Variants in IL18RAP observed in about 807,000 individuals in gnomAD.
IL18RAP encodes the protein interleukin 18 receptor accessory protein, also known as interleukin-18 receptor accessory protein.
In IL18RAP, 37 loss-of-function variants were observed where a neutral mutation model predicts 58.1. The ratio of observed to expected loss-of-function variants is 0.64; its 90% confidence interval spans 0.49 to 0.84. The LOEUF is 0.84. Ranked by LOEUF, IL18RAP falls within the 40% of genes least tolerant of loss-of-function variation. The probability of loss-of-function intolerance (pLI) is 0.00; values close to 1 mark genes in which losing one functional copy is unlikely to be tolerated. For missense variants in IL18RAP, 667 were observed against 704.8 expected (o/e 0.95, Z 0.61); for synonymous variants, 268 against 257.5 (o/e 1.04, Z -0.39).
At chr2:102,446,363 GA>G (rs896439262) in intron 7 of IL18RAP, among the ~76,000 whole-genome samples, 2 of 152,032 alleles carry the variant, frequency 1.3e-5, no homozygotes, top group Admixed American at 1.3e-4. Context: ...TCTTCAATCT[GA>G]AAATCTTTAG....
At chr2:102,421,287 G>T (rs1409108361), upstream of IL18RAP, among the ~76,000 whole-genome samples, 2 of 151,962 alleles carry the variant, frequency 1.3e-5, no homozygotes, top group South Asian at 4.1e-4. Flanking sequence ...GGGAGAGGGC[G>T]CTTCTTTATC....
At chr2:102,451,417 G>A (rs1428698940) in intron 9 of IL18RAP, among the ~76,000 whole-genome samples, 1 of 152,200 alleles carries the variant, frequency 6.6e-6, no homozygotes, top group Non-Finnish European at 1.5e-5. Flanking sequence ...TGGACACCCT[G>A]AGAAGTCCAG....
chr2:102,424,629 A>G (rs1681817350), intron 3 of IL18RAP, among the ~76,000 whole-genome samples: 1 of 152,206 alleles, frequency 6.6e-6, no homozygotes, highest in Admixed American at 6.5e-5. Flanking sequence ...CATCCTTTTG[A>G]TCAACACCAG....
chr2:102,425,965 AG>A (rs1461225117), intron 3 of IL18RAP, among the ~76,000 whole-genome samples: 1 of 152,208 alleles, frequency 6.6e-6, no homozygotes, highest in East Asian at 1.9e-4. Context: ...AGCCACCTTA[AG>A]AATAGGTGAA....
At chr2:102,423,707 C>A (rs11465689) in intron 1 of IL18RAP, 104 bp from the exon 2 acceptor site, 70,846 of 840,076 alleles carry the variant, frequency 0.084, 3,412 homozygotes, top group Middle Eastern at 0.23. Flanking sequence ...GAAAGACACA[C>A]AAGGAAGCTA....
intron 3 of IL18RAP, among the ~76,000 whole-genome samples, chr2:102,432,894 T>C (rs574265027): frequency 2.1e-4 from 32 of 152,328 alleles, no homozygotes; most frequent in Admixed American, 5.9e-4. Flanking sequence ...AAAAATGTAA[T>C]GAAAAAATAG....
intron 6 of IL18RAP, 134 bp downstream of exon 6, chr2:102,443,457 G>C: frequency 6.3e-6 from 6 of 956,174 alleles, no homozygotes; most frequent in Non-Finnish European, 4.6e-6. Context: ...GCACAAAAAT[G>C]CAAAGTGCAA....
intron 7 of IL18RAP, among the ~76,000 whole-genome samples, chr2:102,446,440 A>G (rs1335588048): frequency 6.6e-6 from 1 of 152,002 alleles, no homozygotes; most frequent in African/African-American, 2.4e-5. Context: ...GTCGTCTTTT[A>G]TCCCTCACTC....
At chr2:102,423,095 A>G, upstream of IL18RAP, 3 of 650,968 alleles carry the variant, frequency 4.6e-6, no homozygotes, top group South Asian at 5.5e-5. Flanking sequence ...TTTGGGTAGG[A>G]CCTGCCCTTT....
Position 102,423,891 on chromosome 2 carries a change from C to G in IL18RAP, c.151C>G (p.Pro51Ala). The G allele has an allele frequency of 6.2e-7, 1 of 1,613,770 alleles. No individual in the cohort carries two copies. The highest frequency in any genetic ancestry group is 8.5e-7 in the Non-Finnish European group (1 of 1,179,802). ...EFVLFCDLPE[P>A]QKSHFCHRNR... ...TGTCTTATTTTGTGATTTACCAGAG[C>G]CACAGAAATCACATTTCTGCCACAG... Residue 51 changes from proline (P) to alanine (A), a missense_variant, in exon 2 of 10, where the codon CCA becomes GCA. Physicochemically the swap from Pro to Ala is conservative, Grantham distance 27 (BLOSUM62 -1). Transcript: ENST00000687160.
rs749425651 is a variant in IL18RAP at position 102,424,068 on chromosome 2, AC to A, written c.331del (p.Leu111PhefsTer4). 10 of 1,614,098 alleles carry A rather than the reference AC, an allele frequency of 6.2e-6. No individual in the cohort carries two copies. The highest frequency in any genetic ancestry group is 8.5e-6 in the Non-Finnish European group (10 of 1,179,988). On this transcript the variant is annotated frameshift_variant, in exon 2 of 10. Coordinates refer to ENST00000687160, the MANE Select transcript of IL18RAP (RefSeq NM_001393487.1). LOFTEE classifies it high-confidence loss of function. The part of the protein sequence containing the change: ...SYPHIIQDKC[T>X]LHFLTPGVNN... ...TCCTCACATCATTCAGGACAAATGTACCCTTCACTTTTTGACCCCAGGGGTG... is the reference window on the plus strand; with the variant it reads ...TCCTCACATCATTCAGGACAAATGTACCTTCACTTTTTGACCCCAGGGGTG...
upstream of IL18RAP, among the ~76,000 whole-genome samples, chr2:102,420,874 G>T (rs947595916): frequency 2.0e-5 from 3 of 152,172 alleles, no homozygotes; most frequent in Non-Finnish European, 4.4e-5. Flanking sequence ...CTATGTGTTT[G>T]TTCTGATGGC....
At chr2:102,437,736 C>T (rs1429483053) in intron 4 of IL18RAP, among the ~76,000 whole-genome samples, 3 of 152,066 alleles carry the variant, frequency 2.0e-5, no homozygotes, top group Non-Finnish European at 1.5e-5. Flanking sequence ...TTTAAAGTAA[C>T]AAAATATTGC....
chr2:102,439,062 G>A (rs1313784402), intron 4 of IL18RAP: 1 of 152,044 alleles, frequency 6.6e-6, no homozygotes, highest in Non-Finnish European at 1.5e-5. Context: ...TCTGGGAGTA[G>A]GACTGACATC....
chr2:102,428,284 G>T (rs1452714978), intron 3 of IL18RAP, among the ~76,000 whole-genome samples: 1 of 149,746 alleles, frequency 6.7e-6, no homozygotes, highest in Non-Finnish European at 1.5e-5. Flanking sequence ...AGATCACTTT[G>T]AGTAGTAAGG....
rs1573301754 is a variant in IL18RAP, at chr2:102,446,929, A to G, written c.1073-141A>G. The G allele has an allele frequency of 3.3e-6, 3 of 910,096 alleles. No individual in the cohort carries two copies. The East Asian group carries it at 7.4e-5, about 22-fold the overall frequency. The allele number at this position is 910,096 out of a possible 1,614,324, so 56.4% of individuals were successfully genotyped here. On this transcript the variant is annotated intron_variant, in intron 7 of 9. Transcript: ENST00000687160. ...GATTTGAGAGGTTTCCAGATTCACA[A>G]AAACTGCTGCTAGTGGCAATGATTT...
chr2:102,430,537 A>G lies in IL18RAP; in HGVS notation c.579+6123A>G, dbSNP rs1255209851. Reference sequence around the variant, plus strand: ...ATATTGTAAATGGTTTGATTAATCCATTTACATTCAAGGTGATTATTGGTA... The same window carrying G: ...ATATTGTAAATGGTTTGATTAATCCGTTTACATTCAAGGTGATTATTGGTA... On this transcript the variant is annotated intron_variant, in intron 3 of 9. Coordinates refer to ENST00000687160, the MANE Select transcript of IL18RAP (RefSeq NM_001393487.1). Among the ~76,000 whole-genome samples, 3 of 152,028 alleles carry G rather than the reference A, an allele frequency of 2.0e-5. No individual in the cohort carries two copies. The East Asian group carries it at 5.8e-4, about 29-fold the overall frequency.
intron 5 of IL18RAP, among the ~76,000 whole-genome samples, chr2:102,442,489 A>G (rs1020324407): frequency 6.6e-6 from 1 of 152,164 alleles, no homozygotes; most frequent in Non-Finnish European, 1.5e-5. Flanking sequence ...AGAAGGAGGA[A>G]AAAATTAGAT....
chr2:102,427,661 G>T (rs1682041720), intron 3 of IL18RAP, among the ~76,000 whole-genome samples: 1 of 151,912 alleles, frequency 6.6e-6, no homozygotes, highest in Non-Finnish European at 1.5e-5. Flanking sequence ...TCCCCATTTG[G>T]TGGGTTGTTT....
Sources: gnomAD v4.1 joint callset for allele counts (sites outside exome capture counted in the v4.1 genomes callset) on GRCh38, gnomAD v4.1.1 for gene constraint, MANE v1.5 for transcripts, NCBI Gene and HGNC (gene_info 2026-07-23, HGNC 2026-07-21) for gene names.